The following PCM1 variants were observed in gnomAD, a reference collection of about 807,000 sequenced individuals.
PCM1 encodes the protein pericentriolar material 1.
PCM1 carries 157 observed loss-of-function variants against 241.9 expected under a neutral mutation model. The ratio of observed to expected loss-of-function variants is 0.65; its 90% confidence interval spans 0.57 to 0.74. The LOEUF is 0.74. PCM1 is among the 30% of genes least tolerant of loss of function. The pLI, the probability that PCM1 is intolerant of heterozygous loss-of-function variation, is 0.00. For synonymous variants in PCM1, 1,085 were observed against 784.9 expected (o/e 1.38, Z -6.39); for missense variants, 3,478 against 2,360.1 (o/e 1.47, Z -9.81).
intron 2 of PCM1, among the ~76,000 whole-genome samples, chr8:17,930,160 G>T (rs185287432): frequency 1.3e-5 from 2 of 148,170 alleles, no homozygotes; most frequent in African/African-American, 5.0e-5. Context: ...CCGGAGTGCA[G>T]TGGTGTTATC....
At chr8:17,930,101 C>CTTT (rs3988353) in intron 2 of PCM1, among the ~76,000 whole-genome samples, 5 of 109,286 alleles carry the variant, frequency 4.6e-5, no homozygotes, top group Admixed American at 9.1e-5. Flanking sequence ...GGAATACTTC[C>CTTT]TTTTTTTTTT....
rs778274961 is a variant in PCM1 at position 17,924,766 on chromosome 8, C to A, written c.-37C>A. The stretch of plus-strand genomic sequence containing the variant: ...AGGAGCAGTTTCTGAGCTGCAAAAA[C>A]TAGTTTCTAAACAGGTAATTTGACA... On this transcript the variant is annotated 5_prime_UTR_variant, in exon 2 of 39. Coordinates refer to ENST00000325083, the MANE Select transcript of PCM1 (RefSeq NM_006197.4). 1.2e-4 allele frequency: 19 copies of A among 152,168 alleles called. No individual in the cohort carries two copies. Among genetic ancestry groups the A allele is most frequent in the Non-Finnish European group, 2.6e-4 (18 of 68,032 alleles). The allele number at this position is 152,168 out of a possible 1,614,324, so 9.4% of individuals were successfully genotyped here. A position where few individuals can be genotyped will look rare whatever the true frequency, so the allele number is the denominator to read the frequency against.
In PCM1 at chr8:17,960,561, G is replaced by A. The variant is rs543284209; in HGVS notation, c.2322+117G>A. 22 of 538,850 alleles carry A rather than the reference G, an allele frequency of 4.1e-5. No individual in the cohort carries two copies. In the South Asian group the frequency reaches 4.5e-4, roughly 11 times the overall value. The allele number at this position is 538,850 out of a possible 1,614,324, so 33.4% of individuals were successfully genotyped here. ...TTTTTTTGAGGCAGAGTCTCACTCT[G>A]TTGCCCAGGCTGAAGTGCAGTGGCG... On this transcript the variant is annotated intron_variant, in intron 15 of 38. Coordinates refer to ENST00000325083, the MANE Select transcript of PCM1 (RefSeq NM_006197.4).
At chr8:17,958,091 A>G (rs2129463785) in intron 13 of PCM1, among the ~76,000 whole-genome samples, 1 of 152,310 alleles carries the variant, frequency 6.6e-6, no homozygotes, top group South Asian at 2.1e-4. Flanking sequence ...ATTATAAACA[A>G]TATAGCTGTT....
At position 17,935,707 on chromosome 8, in the gene PCM1, G is replaced by A. The variant is rs370118369; in HGVS notation, c.96+1G>A. 3.8e-6 allele frequency: 5 copies of A among 1,303,636 alleles called. No homozygotes were observed. Among genetic ancestry groups the A allele is most frequent in the South Asian group, 1.2e-5 (1 of 84,414 alleles). The allele number at this position is 1,303,636 out of a possible 1,614,324, so 80.8% of individuals were successfully genotyped here. ...TGTTGATGACAGGCTCAACAATATG[G>A]TATGATTCCTTACTCTTCATGGTGT... On this transcript the variant is annotated splice_donor_variant, in intron 3 of 38. Transcript: ENST00000325083. LOFTEE classifies it high-confidence loss of function.
Position 18,025,396 on chromosome 8 carries a change from T to G in PCM1, c.5877T>G (p.Asp1959Glu). ...AESGNISQKSDEEDFVKVEDL... is the reference protein window; with the variant it reads ...AESGNISQKSEEEDFVKVEDL... ...CTGGTAATATAAGTCAAAAGTCTGA[T>G]GAAGAAGATTTTGTAAAAGTTGAAG... The change falls in exon 37 of 39, where the codon GAT becomes GAG. Residue 1959 changes from aspartate (D) to glutamate (E), a missense_variant. Coordinates refer to ENST00000325083, the MANE Select transcript of PCM1 (RefSeq NM_006197.4). 6.2e-7 allele frequency: 1 copy of G among 1,603,856 alleles called. No individual in the cohort carries two copies. The highest frequency in any genetic ancestry group is 1.1e-5 in the South Asian group (1 of 89,110).
At chr8:17,955,810 G>C (rs1320481396) in intron 10 of PCM1, 157 bp downstream of exon 10, 1 of 641,686 alleles carries the variant, frequency 1.6e-6, no homozygotes, top group Non-Finnish European at 2.7e-6. Flanking sequence ...TGTTGTGTGG[G>C]CATAATTTGA....
Position 17,991,788 on chromosome 8 carries a change from T to C in PCM1, c.4690+88T>C, listed in dbSNP as rs554952635. ...TTCTTTAGTGGTGATTTCTGAGATT[T>C]TGGTGCACCCATCGCCTGAGCAGTA... On this transcript the variant is annotated intron_variant, in intron 28 of 38. Coordinates refer to ENST00000325083, the MANE Select transcript of PCM1 (RefSeq NM_006197.4). 4.2e-6 allele frequency: 4 copies of C among 957,730 alleles called. No homozygotes were observed. In the East Asian group the frequency reaches 1.1e-4, roughly 25 times the overall value. The allele number at this position is 957,730 out of a possible 1,614,324, so 59.3% of individuals were successfully genotyped here. A position where few individuals can be genotyped will look rare whatever the true frequency, so the allele number is the denominator to read the frequency against.
chr8:18,014,115 A>G lies in PCM1; in HGVS notation c.5584+79A>G. 6 of 783,824 alleles carry G rather than the reference A, an allele frequency of 7.7e-6. No homozygotes were observed. In the South Asian group the frequency reaches 9.0e-5, roughly 12 times the overall value. 48.6% of individuals were successfully genotyped at this position (783,824 alleles called of 1,614,324 possible). ...AAAGCTAAAAAAAAAAAAAAAACACACACAGAAAACACTAAAATTCTTAGT... is the reference window on the plus strand; with the variant it reads ...AAAGCTAAAAAAAAAAAAAAAACACGCACAGAAAACACTAAAATTCTTAGT... On this transcript the variant is annotated intron_variant, in intron 35 of 38. Coordinates refer to ENST00000325083, the MANE Select transcript of PCM1 (RefSeq NM_006197.4).
intron 29 of PCM1, among the ~76,000 whole-genome samples, chr8:17,999,942 TGGAGCTTGCATGC>T (rs985559054): frequency 1.3e-5 from 2 of 152,182 alleles, no homozygotes; most frequent in African/African-American, 2.4e-5. Flanking sequence ...TTTGTTCTCA[TGGAGCTTGCATGC>T]TAGAGTGGGA....
At chr8:17,956,037 A>G in intron 10 of PCM1, 1 of 239,684 alleles carries the variant, frequency 4.2e-6, no homozygotes, top group Non-Finnish European at 8.2e-6. Flanking sequence ...GTATTTCCTC[A>G]TCTGCAAAAT....
chr8:17,997,016 C>T (rs2087074036), intron 29 of PCM1, among the ~76,000 whole-genome samples: 1 of 152,156 alleles, frequency 6.6e-6, no homozygotes, highest in Non-Finnish European at 1.5e-5. Context: ...CAGACGATAT[C>T]TTACTGCTCA....
In PCM1 at chr8:17,950,658, A is replaced by G. The variant is rs761381844; in HGVS notation, c.1005A>G (p.Thr335=). 5.0e-6 allele frequency: 8 copies of G among 1,606,408 alleles called. No individual in the cohort carries two copies. Among genetic ancestry groups the G allele is most frequent in the Non-Finnish European group, 6.8e-6 (8 of 1,175,766 alleles). ...GTAGCTTATCTGGCGTCAGTATCAC[A>G]TCTGAACTAAATGAAGAATTGAATG... ...TAGSLSGVSI[T]SELNEELNDL... The change falls in exon 8 of 39, where the codon ACA becomes ACG. Residue 335 remains threonine (T), a synonymous_variant. Transcript: ENST00000325083.
chr8:17,959,047 A>G (rs1163767142), intron 13 of PCM1, among the ~76,000 whole-genome samples: 1 of 151,994 alleles, frequency 6.6e-6, no homozygotes, highest in Non-Finnish European at 1.5e-5. Context: ...ACCTCCATTA[A>G]TAATCCTATT....
chr8:18,014,583 G>A lies in PCM1; in HGVS notation c.5585-1G>A. The A allele has an allele frequency of 1.3e-6, 2 of 1,595,598 alleles. No homozygotes were observed. ...ATGTTAAGACTTTCTTTTGATGACA[G>A]ATGACCAAAATAACTGTCCTGTGAA... On this transcript the variant is annotated splice_acceptor_variant, in intron 35 of 38. Transcript: ENST00000325083. LOFTEE classifies it high-confidence loss of function.
intron 30 of PCM1, among the ~76,000 whole-genome samples, chr8:18,008,704 A>T (rs565917393): frequency 3.9e-4 from 59 of 152,300 alleles, no homozygotes; most frequent in African/African-American, 1.3e-3. Flanking sequence ...GTGGAAGATG[A>T]GTCTTTTCTG....
rs534873099 is a variant in PCM1, at chr8:17,985,636, A to G, written c.4281+17A>G. 6 of 1,584,744 alleles carry G rather than the reference A, an allele frequency of 3.8e-6. No individual in the cohort carries two copies. The South Asian group carries it at 4.6e-5, about 12-fold the overall frequency. ...GCATTGCAGGTATCTGGTACCTAACATAATTTTTCCTACCCTATTATCACC... is the reference window on the plus strand; with the variant it reads ...GCATTGCAGGTATCTGGTACCTAACGTAATTTTTCCTACCCTATTATCACC... On this transcript the variant is annotated intron_variant, in intron 25 of 38. Coordinates refer to ENST00000325083, the MANE Select transcript of PCM1 (RefSeq NM_006197.4).
chr8:18,029,477 TTACA>T lies in PCM1; in HGVS notation c.*1819_*1822del. On this transcript the variant is annotated 3_prime_UTR_variant, in exon 39 of 39. Coordinates refer to ENST00000325083, the MANE Select transcript of PCM1 (RefSeq NM_006197.4). ...ACTGTTTTGGTACTCAAGCCCAGCC[TTACA>T]TACTGTGTTTCTCTCTCTGTCTGCA... is the stretch of plus-strand genomic sequence containing the variant. The T allele has an allele frequency of 4.6e-6, 1 of 216,578 alleles. No homozygotes were observed. Among genetic ancestry groups the T allele is most frequent in the African/African-American group, 2.2e-5 (1 of 44,588 alleles). 13.4% of individuals were successfully genotyped at this position (216,578 alleles called of 1,614,324 possible). A position where few individuals can be genotyped will look rare whatever the true frequency, so the allele number is the denominator to read the frequency against.
Position 17,938,650 on chromosome 8 carries a change from T to C in PCM1, c.343-90T>C, listed in dbSNP as rs73580054. The C allele has an allele frequency of 5.6e-3, 4,765 of 853,500 alleles. 164 individuals are homozygous for C. In the African/African-American group the frequency reaches 0.07, roughly 12 times the overall value. The allele number at this position is 853,500 out of a possible 1,614,324, so 52.9% of individuals were successfully genotyped here. A position where few individuals can be genotyped will look rare whatever the true frequency, so the allele number is the denominator to read the frequency against. On this transcript the variant is annotated intron_variant, in intron 4 of 38. Coordinates refer to ENST00000325083, the MANE Select transcript of PCM1 (RefSeq NM_006197.4). ...TTTGTGTGCACCTTCTGAATCAATA[T>C]CTGATGGCGAAACTAAGAACATTGG...
Sources: gnomAD v4.1 joint callset for allele counts (sites outside exome capture counted in the v4.1 genomes callset) on GRCh38, gnomAD v4.1.1 for gene constraint, MANE v1.5 for transcripts, NCBI Gene and HGNC (gene_info 2026-07-23, HGNC 2026-07-21) for gene names.